Variants in CSMD1 observed in about 807,000 individuals in gnomAD.
CSMD1 encodes the protein CUB and Sushi multiple domains 1.
CSMD1 carries 213 observed loss-of-function variants against 417.5 expected under a neutral mutation model. The observed-to-expected ratio is 0.51, with a 90% CI of 0.46 to 0.57. The LOEUF (loss-of-function observed/expected upper bound fraction) is 0.57, where lower values mean the gene tolerates loss of function less well. Among genes scored for constraint, CSMD1 ranks in the 20% least tolerant of loss-of-function variants. The pLI, the probability that CSMD1 is intolerant of heterozygous loss-of-function variation, is 0.00. For missense variants in CSMD1, 6,923 were observed against 4,529.7 expected, an observed-to-expected ratio of 1.53 and a Z score of -15.17; for synonymous variants, 2,862 against 1,736.8, an observed-to-expected ratio of 1.65 and a Z score of -16.11.
At chr8:4,794,700 C>T (rs540649059) in intron 1 of CSMD1, among the ~76,000 whole-genome samples, 1 of 152,168 alleles carries the variant, frequency 6.6e-6, no homozygotes, top group Non-Finnish European at 1.5e-5. Context: ...TCTCTTAAGG[C>T]CATGTGGCAG....
intron 5 of CSMD1, among the ~76,000 whole-genome samples, chr8:3,868,535 A>G (rs1805264552): frequency 6.6e-6 from 1 of 152,136 alleles, no homozygotes; most frequent in African/African-American, 2.4e-5. Context: ...CCAAATGCGT[A>G]CCTGCAGCCT....
chr8:4,620,212 A>G (rs1301338939), intron 2 of CSMD1, among the ~76,000 whole-genome samples: 1 of 151,732 alleles, frequency 6.6e-6, no homozygotes, highest in South Asian at 2.1e-4. Context: ...GGTAATATGG[A>G]GAATTATTTG....
intron 2 of CSMD1, among the ~76,000 whole-genome samples, chr8:4,444,752 G>C (rs373743424): frequency 6.6e-6 from 1 of 152,178 alleles, no homozygotes; most frequent in Admixed American, 6.5e-5. Context: ...ATATGAATAT[G>C]TCTACCTAAT....
At chr8:4,330,711 G>A (rs554325423) in intron 3 of CSMD1, among the ~76,000 whole-genome samples, 61 of 152,180 alleles carry the variant, frequency 4.0e-4, no homozygotes, top group African/African-American at 1.5e-3. Context: ...TGTAGGTTGA[G>A]GATACCCCAA....
intron 10 of CSMD1, among the ~76,000 whole-genome samples, chr8:3,504,017 G>C (rs1008329762): frequency 2.6e-5 from 4 of 152,112 alleles, no homozygotes; most frequent in Non-Finnish European, 5.9e-5. Flanking sequence ...ATCAGTTCCA[G>C]TGTTCGACAG....
rs1430220821 is a variant in CSMD1, at chr8:3,219,409, G to A, written c.4518C>T (p.His1506=). The change falls in exon 29 of 70, where the codon CAC becomes CAT. Residue 1506 remains histidine, a synonymous_variant. Coordinates refer to ENST00000635120, the MANE Select transcript of CSMD1 (RefSeq NM_033225.6). ...FNMEPSYDFL[H]IYEGEDSNSP... Reference sequence around the variant, plus strand: ...TGTTGGAATCTTCCCCTTCATAGATGTGTAGGAAGTCATAGCTGGGCTCCA... The same window carrying A: ...TGTTGGAATCTTCCCCTTCATAGATATGTAGGAAGTCATAGCTGGGCTCCA... The A allele has an allele frequency of 9.1e-6, 14 of 1,540,494 alleles. No homozygotes were observed. The highest frequency in any genetic ancestry group is 2.4e-5 in the East Asian group (1 of 42,034).
In CSMD1 at chr8:3,796,270, TATATATCTATCATGTATAG is replaced by T. The variant is rs1317564821; in HGVS notation, c.819-42247_819-42229del. Among the ~76,000 whole-genome samples, 70 of 28,554 alleles carry T rather than the reference TATATATCTATCATGTATAG, an allele frequency of 2.5e-3. 2 individuals carry two copies. Among genetic ancestry groups the T allele is most frequent in the Middle Eastern group, 0.045 (1 of 22 alleles). The allele number at this position is 28,554 out of a possible 152,430, so 18.7% of individuals were successfully genotyped here. On this transcript the variant is annotated intron_variant, in intron 5 of 69. Coordinates refer to ENST00000635120, the MANE Select transcript of CSMD1 (RefSeq NM_033225.6). ...TATATCTATCATGTATAGATATAGATATATATCTATCATGTATAGATATATCTATCATGTATAGATATAG... is the reference window on the plus strand; with the variant it reads ...TATATCTATCATGTATAGATATAGATATATATCTATCATGTATAGATATAG...
intron 8 of CSMD1, among the ~76,000 whole-genome samples, chr8:3,595,111 G>A (rs185298857): frequency 2.6e-5 from 4 of 152,216 alleles, no homozygotes; most frequent in Admixed American, 1.3e-4. Context: ...GTCCTATAAG[G>A]GAGTTTTTAC....
intron 7 of CSMD1, among the ~76,000 whole-genome samples, chr8:3,628,620 C>A (rs746838792): frequency 4.6e-5 from 7 of 152,064 alleles, no homozygotes; most frequent in Non-Finnish European, 1.0e-4. Context: ...GGGAGTGTCT[C>A]AGAGGGAGGC....
chr8:3,058,429 A>G (rs1292317382), intron 49 of CSMD1, among the ~76,000 whole-genome samples: 1 of 152,160 alleles, frequency 6.6e-6, no homozygotes, highest in African/African-American at 2.4e-5. Context: ...TGCATTACCA[A>G]CTTTCTTGAT....
At chr8:4,749,066 G>C (rs1297836909) in intron 1 of CSMD1, among the ~76,000 whole-genome samples, 2 of 152,222 alleles carry the variant, frequency 1.3e-5, no homozygotes, top group Non-Finnish European at 2.9e-5. Context: ...GTGTGTGTGT[G>C]TGTGAGCGCA....
Position 4,138,313 on chromosome 8 carries a change from G to C in CSMD1, c.416-106214C>G, listed in dbSNP as rs532523029. 2.7e-5 allele frequency among the ~76,000 whole-genome samples: 4 copies of C among 149,894 alleles called. 1 individual carries two copies. Among genetic ancestry groups the C allele is most frequent in the Non-Finnish European group, 5.9e-5 (4 of 67,802 alleles). On this transcript the variant is annotated intron_variant, in intron 3 of 69. Transcript: ENST00000635120. ...GCAGGTTTCAGAATCATACACTTCA[G>C]AGTTGAGATTTACACATTTGAGTTG... is the stretch of plus-strand genomic sequence containing the variant.
intron 11 of CSMD1, among the ~76,000 whole-genome samples, chr8:3,483,212 T>C (rs746696943): frequency 1.3e-5 from 2 of 151,930 alleles, no homozygotes; most frequent in Non-Finnish European, 2.9e-5. Flanking sequence ...TTGATGAAGC[T>C]ATAAGAACAC....
chr8:3,686,462 C>G (rs958123171), intron 7 of CSMD1, among the ~76,000 whole-genome samples: 1 of 152,124 alleles, frequency 6.6e-6, no homozygotes, highest in African/African-American at 2.4e-5. Context: ...CCACCATATG[C>G]TGCTCTGGCA....
At chr8:4,461,890 G>T (rs905958689) in intron 2 of CSMD1, among the ~76,000 whole-genome samples, 1 of 151,724 alleles carries the variant, frequency 6.6e-6, no homozygotes, top group Non-Finnish European at 1.5e-5. Context: ...ACAGGAGCCC[G>T]CCACCACGCC....
chr8:4,523,426 T>C (rs1436885833), intron 2 of CSMD1, among the ~76,000 whole-genome samples: 1 of 152,170 alleles, frequency 6.6e-6, no homozygotes, highest in Non-Finnish European at 1.5e-5. Flanking sequence ...TTAAGTACAC[T>C]GGTTCAGAAG....
chr8:3,332,618 G>T (rs1276263020), intron 23 of CSMD1, among the ~76,000 whole-genome samples: 1 of 152,216 alleles, frequency 6.6e-6, no homozygotes. Context: ...GCAATGAATT[G>T]TACATTCCCT....
chr8:4,739,043 T>G (rs1364781632), intron 1 of CSMD1, among the ~76,000 whole-genome samples: 1 of 152,130 alleles, frequency 6.6e-6, no homozygotes, highest in Non-Finnish European at 1.5e-5. Context: ...GTAGTGTGAG[T>G]AACTGATATA....
At chr8:3,396,829 C>G (rs1474194244) in intron 16 of CSMD1, among the ~76,000 whole-genome samples, 1 of 151,984 alleles carries the variant, frequency 6.6e-6, no homozygotes, top group Non-Finnish European at 1.5e-5. Context: ...GAAATCATCT[C>G]TTAAACAAAG....
Sources: allele counts gnomAD v4.1 joint callset (sites outside exome capture counted in the v4.1 genomes callset), GRCh38; gene constraint gnomAD v4.1.1; transcripts MANE v1.5; gene names NCBI Gene and HGNC (gene_info 2026-07-23, HGNC 2026-07-21).